The following RAD50 variants were observed in gnomAD, a reference collection of about 807,000 sequenced individuals.
The protein encoded by RAD50 is RAD50 double strand break repair protein, also known as DNA repair protein RAD50.
RAD50 carries 132 observed loss-of-function variants against 168.8 expected under a neutral mutation model. The ratio of observed to expected loss-of-function variants is 0.78; its 90% CI spans 0.68 to 0.90. The LOEUF (loss-of-function observed/expected upper bound fraction) is 0.90, where lower values mean the gene tolerates loss of function less well. Ranked by LOEUF, RAD50 falls within the 40% of genes least tolerant of loss-of-function variation. The probability of loss-of-function intolerance (pLI) is 0.00; values close to 1 mark genes in which losing one functional copy is unlikely to be tolerated. For missense variants in RAD50, 1,347 were observed against 1,534.4 expected, an observed-to-expected ratio of 0.88 and a Z score of 2.04; for synonymous variants, 525 against 497.4, an observed-to-expected ratio of 1.06 and a Z score of -0.74.
chr5:132,595,091 TTTTC>T, intron 12 of RAD50, 47 bp downstream of exon 12: 1 of 1,552,240 alleles, frequency 6.4e-7, no homozygotes, highest in Middle Eastern at 1.9e-4. Flanking sequence ...CACCTTTGAA[TTTTC>T]ATTCACAGGT....
At chr5:132,599,053 C>T (rs1040822186) in intron 13 of RAD50, among the ~76,000 whole-genome samples, 7 of 152,134 alleles carry the variant, frequency 4.6e-5, no homozygotes, top group Non-Finnish European at 7.3e-5. Context: ...TATATTGTAA[C>T]TTTGATAACT....
rs554860818 is a variant in RAD50 at position 132,609,313 on chromosome 5, G to A, written c.2953G>A (p.Ala985Thr). 1 of 1,613,436 alleles carries A rather than the reference G, an allele frequency of 6.2e-7. No individual in the cohort carries two copies. Among genetic ancestry groups the A allele is most frequent in the African/African-American group, 1.3e-5 (1 of 74,946 alleles). The change falls in exon 19 of 25, where the codon GCT becomes ACT. Residue 985 changes from alanine to threonine, a missense_variant. This residue lies in a region of RAD50 where 635 missense variants were observed against 739.2 expected (regional missense o/e 0.86). Coordinates refer to ENST00000378823, the MANE Select transcript of RAD50 (RefSeq NM_005732.4). ...AGAAACTGAACTTAATAAAGTAATA[G>A]CTCAACTAAGTGAATGCGAGAAACA... ...QKETELNKVIAQLSECEKHKE... is the reference protein window; with the variant it reads ...QKETELNKVITQLSECEKHKE...
chr5:132,565,697 A>T (rs1750195921), intron 2 of RAD50, among the ~76,000 whole-genome samples: 1 of 151,800 alleles, frequency 6.6e-6, no homozygotes. Flanking sequence ...TGCCGTCTCT[A>T]CTCTATGATC....
intron 9 of RAD50, among the ~76,000 whole-genome samples, 156 bp downstream of exon 9, chr5:132,589,993 T>A (rs1750670228): frequency 6.6e-6 from 1 of 152,246 alleles, no homozygotes. Context: ...CTTGATCTTC[T>A]GACTCTTTGG....
At chr5:132,609,705 C>A (rs1002717578) in intron 19 of RAD50, among the ~76,000 whole-genome samples, 1 of 152,178 alleles carries the variant, frequency 6.6e-6, no homozygotes, top group Non-Finnish European at 1.5e-5. Context: ...TCACCTGAAC[C>A]TGGGAGGCAG....
chr5:132,595,531 G>GT lies in RAD50; in HGVS notation c.1970-35dup, dbSNP rs779264080. The GT allele has an allele frequency of 7.5e-5, 102 of 1,353,062 alleles. 2 individuals are homozygous for GT. Among genetic ancestry groups the GT allele is most frequent in the South Asian group, 2.0e-4 (17 of 84,844 alleles). 83.8% of individuals were successfully genotyped at this position (1,353,062 alleles called of 1,614,324 possible). ...CCGTATTCAGAATACTGTATTTTATGTTTTTTTCTCATTGGTGATATAATT... is the reference window on the plus strand; with the variant it reads ...CCGTATTCAGAATACTGTATTTTATGTTTTTTTTCTCATTGGTGATATAATT... On this transcript the variant is annotated intron_variant, in intron 12 of 24. Transcript: ENST00000378823.
Position 132,631,478 on chromosome 5 carries a change from A to G in RAD50, c.3390-5637A>G, listed in dbSNP as rs889695323. 3.9e-5 allele frequency among the ~76,000 whole-genome samples: 6 copies of G among 152,252 alleles called. 1 individual carries two copies. The highest frequency in any genetic ancestry group is 3.9e-4 in the Admixed American group (6 of 15,296). ...CATACTACTTCGCATGAGTTAGTAT[A>G]TGCATTTAACTGAGAGATGTGCATA... On this transcript the variant is annotated intron_variant, in intron 21 of 24. Transcript: ENST00000378823.
At chr5:132,624,724 C>T (rs1751341359) in intron 21 of RAD50, among the ~76,000 whole-genome samples, 1 of 151,894 alleles carries the variant, frequency 6.6e-6, no homozygotes, top group Non-Finnish European at 1.5e-5. Flanking sequence ...CATGGCGAAA[C>T]CCCATCACTA....
At chr5:132,563,984 C>G (rs750376790) in intron 2 of RAD50, among the ~76,000 whole-genome samples, 1 of 152,188 alleles carries the variant, frequency 6.6e-6, no homozygotes, top group African/African-American at 2.4e-5. Flanking sequence ...TGTAAGTTTC[C>G]TGAGGCCTCC....
In RAD50 at chr5:132,565,975, AC is replaced by A. The variant is rs879752146; in HGVS notation, c.213+6610del. On this transcript the variant is annotated intron_variant, in intron 2 of 24. Coordinates refer to ENST00000378823, the MANE Select transcript of RAD50 (RefSeq NM_005732.4). ...TCTAGGCTGAGTTATAGGTGCCTTA[AC>A]CTTCAGCTGGCATGAACACGCACCT... Among the ~76,000 whole-genome samples, 16 of 152,294 alleles carry A rather than the reference AC, an allele frequency of 1.1e-4. 1 individual carries two copies. The South Asian group carries it at 1.9e-3, about 18-fold the overall frequency.
intron 2 of RAD50, among the ~76,000 whole-genome samples, chr5:132,561,929 C>G (rs1750131723): frequency 6.6e-6 from 1 of 152,216 alleles, no homozygotes; most frequent in Non-Finnish European, 1.5e-5. Flanking sequence ...ATCATATTCC[C>G]TTTCAACTAT....
Position 132,575,813 on chromosome 5 carries a change from C to G in RAD50, c.250C>G (p.Leu84Val), listed in dbSNP as rs2149836375. ...QETDVRAQIRLQFRDVNGELI... is the reference protein window; with the variant it reads ...QETDVRAQIRVQFRDVNGELI... ...AACAGATGTGAGAGCCCAGATTCGT[C>G]TGCAATTTCGTGATGTCAATGGAGA... Residue 84 changes from leucine to valine, a missense_variant, in exon 3 of 25, where the codon CTG (leucine) becomes GTG (valine). Physicochemically the swap from Leu to Val is conservative, Grantham distance 32. Coordinates refer to ENST00000378823, the MANE Select transcript of RAD50 (RefSeq NM_005732.4). 6.2e-7 allele frequency: 1 copy of G among 1,602,098 alleles called. No individual in the cohort carries two copies. The highest frequency in any genetic ancestry group is 8.6e-7 in the Non-Finnish European group (1 of 1,169,030).
intron 19 of RAD50, among the ~76,000 whole-genome samples, chr5:132,613,594 CTTTTTTTTTTT>C (rs869151568): frequency 1.8e-5 from 2 of 111,160 alleles, no homozygotes; most frequent in African/African-American, 7.4e-5. Context: ...TCACAATAGT[CTTTTTTTTTTT>C]TTTTTTTTTT....
chr5:132,586,491 A>G (rs1227586301), intron 5 of RAD50, among the ~76,000 whole-genome samples: 1 of 152,166 alleles, frequency 6.6e-6, no homozygotes, highest in African/African-American at 2.4e-5. Flanking sequence ...TTGAACACCT[A>G]TTGCATGTTC....
intron 24 of RAD50, among the ~76,000 whole-genome samples, 191 bp from the exon 25 acceptor site, chr5:132,641,987 T>G (rs1751731989): frequency 6.6e-6 from 1 of 152,192 alleles, no homozygotes; most frequent in Admixed American, 6.5e-5. Context: ...GTCCCTACTG[T>G]CTGGAGAGGA....
intron 2 of RAD50, among the ~76,000 whole-genome samples, chr5:132,566,987 T>G (rs978484937): frequency 6.6e-6 from 1 of 152,218 alleles, no homozygotes; most frequent in African/African-American, 2.4e-5. Context: ...CTTATGATGG[T>G]GTTTAGCACA....
chr5:132,608,124 A>G (rs903666219), intron 16 of RAD50, among the ~76,000 whole-genome samples: 1 of 152,244 alleles, frequency 6.6e-6, no homozygotes, highest in African/African-American at 2.4e-5. Flanking sequence ...GGCTAAGCTT[A>G]AGGACAGAAG....
intron 2 of RAD50, among the ~76,000 whole-genome samples, chr5:132,560,077 C>CACACAT (rs760237977): frequency 2.2e-5 from 3 of 139,392 alleles, no homozygotes; most frequent in African/African-American, 3.2e-5. Context: ...CACACACACA[C>CACACAT]ATATATATAT....
intron 11 of RAD50, 99 bp downstream of exon 11, chr5:132,592,133 T>G: frequency 7.6e-7 from 1 of 1,320,156 alleles, no homozygotes; most frequent in South Asian, 1.2e-5. Context: ...TGGTATGTTA[T>G]ATTGATAAAC....
Sources: gnomAD v4.1 joint callset for allele counts (sites outside exome capture counted in the v4.1 genomes callset) on GRCh38, gnomAD v4.1.1 for gene constraint, gnomAD v4.1.1 regional missense constraint, MANE v1.5 for transcripts, NCBI Gene and HGNC (gene_info 2026-07-23, HGNC 2026-07-21) for gene names.